FAXDC2: variants seen among roughly 807,000 people sequenced by gnomAD.
The protein encoded by FAXDC2 is fatty acid hydroxylase domain containing 2.
Under a neutral mutation model 40.9 loss-of-function variants are expected in FAXDC2, and 41 were observed. The observed-to-expected ratio is 1.00, with a 90% CI of 0.78 to 1.30. FAXDC2 has a LOEUF of 1.30. Among genes scored for constraint, FAXDC2 ranks in the 50% most tolerant of loss-of-function variants. FAXDC2 has a pLI of 0.00. For synonymous variants in FAXDC2, 157 were observed against 149.3 expected (o/e 1.05, Z -0.38); for missense variants, 390 against 408.8 (o/e 0.95, Z 0.40).
At chr5:154,835,611 C>G (rs546826177) in intron 2 of FAXDC2, among the ~76,000 whole-genome samples, 1 of 152,078 alleles carries the variant, frequency 6.6e-6, no homozygotes, top group East Asian at 1.9e-4. Context: ...GACAGAGTCT[C>G]GCTCTGTCGC....
chr5:154,831,433 GT>G (rs370064243), intron 4 of FAXDC2: 13 of 147,390 alleles, frequency 8.8e-5, no homozygotes, highest in Admixed American at 2.7e-4. Context: ...ACTCATCGTT[GT>G]TTTTTTTTTG....
At chr5:154,832,683 A>G (rs1207918624) in intron 4 of FAXDC2, among the ~76,000 whole-genome samples, 1 of 152,176 alleles carries the variant, frequency 6.6e-6, no homozygotes, top group Non-Finnish European at 1.5e-5. Flanking sequence ...TAACACTTAA[A>G]ATTGGAAATA....
rs772426610 is a variant in FAXDC2 at position 154,842,512 on chromosome 5, G to GTTTTT, written c.1-4339_1-4335dup. Among the ~76,000 whole-genome samples, 16 of 51,618 alleles carry GTTTTT rather than the reference G, an allele frequency of 3.1e-4. 1 individual carries two copies. Among genetic ancestry groups the GTTTTT allele is most frequent in the African/African-American group, 4.5e-4 (6 of 13,218 alleles). The allele number at this position is 51,618 out of a possible 152,430, so 33.9% of individuals were successfully genotyped here. Reference sequence around the variant, plus strand: ...AGCCACTGCGCTCAGCCCTTTGTGTGTTTTTTTTTTTTTTTTTTTTTTTTT... The same window carrying GTTTTT: ...AGCCACTGCGCTCAGCCCTTTGTGTGTTTTTTTTTTTTTTTTTTTTTTTTTTTTTT... On this transcript the variant is annotated intron_variant, in intron 1 of 8. Transcript: ENST00000326080.
intron 2 of FAXDC2, among the ~76,000 whole-genome samples, chr5:154,837,927 A>G (rs1427442839): frequency 6.6e-6 from 1 of 152,258 alleles, no homozygotes; most frequent in Non-Finnish European, 1.5e-5. Context: ...GCACATTCGC[A>G]GTCTGCATTC....
At chr5:154,830,986 A>T in intron 4 of FAXDC2, 64 bp from the exon 5 acceptor site, 1 of 1,587,084 alleles carries the variant, frequency 6.3e-7, no homozygotes, top group Non-Finnish European at 8.6e-7. Context: ...AGACTAACAG[A>T]ACATACTTTT....
chr5:154,843,243 G>A (rs1314995319), intron 1 of FAXDC2, among the ~76,000 whole-genome samples: 1 of 152,138 alleles, frequency 6.6e-6, no homozygotes, highest in Non-Finnish European at 1.5e-5. Context: ...CATGCCACAG[G>A]GAACTTCACT....
At position 154,834,828 on chromosome 5, in the gene FAXDC2, G is replaced by C; in HGVS notation, c.140+15C>G. The C allele has an allele frequency of 6.2e-7, 1 of 1,607,850 alleles. No individual in the cohort carries two copies. The highest frequency in any genetic ancestry group is 8.5e-7 in the Non-Finnish European group (1 of 1,175,596). On this transcript the variant is annotated intron_variant, in intron 3 of 8. Transcript: ENST00000326080. ...CACCACCACACTGCACCCTAGCTGG[G>C]TGGAGCCGACTTACCATGTCACTGA... is the stretch of plus-strand genomic sequence containing the variant.
chr5:154,838,264 G>C, intron 1 of FAXDC2, 86 bp from the exon 2 acceptor site: 1 of 1,235,436 alleles, frequency 8.1e-7, no homozygotes, highest in Non-Finnish European at 1.1e-6. Context: ...AAAGTGTATG[G>C]CTAGCAGTGA....
chr5:154,821,277 G>T lies in FAXDC2; in HGVS notation c.828C>A (p.His276Gln). 6.2e-7 allele frequency: 1 copy of T among 1,611,974 alleles called. No individual in the cohort carries two copies. The highest frequency in any genetic ancestry group is 8.5e-7 in the Non-Finnish European group (1 of 1,178,960). Residue 276 changes from histidine to glutamine, a missense_variant, in exon 8 of 9, where the codon CAC (histidine) becomes CAA (glutamine). Transcript: ENST00000326080. Reference protein sequence around the residue: ...HLPFLPSPEFHDYHHLKFNQC... With the variant: ...HLPFLPSPEFQDYHHLKFNQC... ...GTCCTTACTTGAGATGGTGGTAGTC[G>T]TGGAATTCAGGCGAAGGCAGGAAGG...
intron 5 of FAXDC2, chr5:154,824,113 T>C: frequency 4.0e-6 from 1 of 252,760 alleles, no homozygotes; most frequent in Non-Finnish European, 7.7e-6. Flanking sequence ...GAACTGCTTA[T>C]CCAGCTTCTT....
Position 154,820,462 on chromosome 5 carries a change from AC to A in FAXDC2, c.855del (p.Gln285HisfsTer121). 6.2e-7 allele frequency: 1 copy of A among 1,610,652 alleles called. No individual in the cohort carries two copies. The highest frequency in any genetic ancestry group is 8.5e-7 in the Non-Finnish European group (1 of 1,178,354). On this transcript the variant is annotated frameshift_variant, in exon 9 of 9. Coordinates refer to ENST00000326080, the MANE Select transcript of FAXDC2 (RefSeq NM_032385.5). LOFTEE classifies it high-confidence loss of function. Reference sequence around the variant, plus strand: ...TCCAGCACACCCAGCACCCCATAGCACTGGTTGAACCTAGAAGAGAGAGGAC... The same window carrying A: ...TCCAGCACACCCAGCACCCCATAGCATGGTTGAACCTAGAAGAGAGAGGAC... ...FHDYHHLKFN[Q>X]CYGVLGVLDH...
intron 7 of FAXDC2, chr5:154,821,949 C>T (rs32426): frequency 0.049 from 7,652 of 156,452 alleles, 323 homozygotes; most frequent in African/African-American, 0.12. Flanking sequence ...ATCAGCCAGG[C>T]GTGGTGGCAC....
intron 1 of FAXDC2, among the ~76,000 whole-genome samples, chr5:154,843,798 C>T (rs1561661336): frequency 6.6e-6 from 1 of 152,222 alleles, no homozygotes. Context: ...AAGCAGTATA[C>T]TTTTTATGAG....
chr5:154,821,418 G>A lies in FAXDC2; in HGVS notation c.687C>T (p.Asn229=). The change falls in exon 8 of 9, where the codon AAC becomes AAT. Residue 229 remains asparagine, a synonymous_variant. Coordinates refer to ENST00000326080, the MANE Select transcript of FAXDC2 (RefSeq NM_032385.5). ...YAHPIEHAVS[N]MLPVIVGPLV... is the part of the protein sequence containing the mutation. ...ATGGGCCCACTATCACCGGTAGCATGTTGGAGACCTGCAAGAGGAGGGATG... is the reference window on the plus strand; with the variant it reads ...ATGGGCCCACTATCACCGGTAGCATATTGGAGACCTGCAAGAGGAGGGATG... 6.2e-7 allele frequency: 1 copy of A among 1,611,428 alleles called. No individual in the cohort carries two copies. The highest frequency in any genetic ancestry group is 1.1e-5 in the South Asian group (1 of 90,858).
In FAXDC2 at chr5:154,845,838, T is replaced by C. The variant is rs1010200225; in HGVS notation, c.-1+4645A>G. Among the ~76,000 whole-genome samples, 31 of 150,422 alleles carry C rather than the reference T, an allele frequency of 2.1e-4. 1 individual carries two copies. The highest frequency in any genetic ancestry group is 5.9e-5 in the Non-Finnish European group (4 of 67,758). ...ATCTTACTCTGTTGCCAGGCTGGAG[T>C]GCAGTGGCGTGATCTCGGCTCACTG... On this transcript the variant is annotated intron_variant, in intron 1 of 8. Coordinates refer to ENST00000326080, the MANE Select transcript of FAXDC2 (RefSeq NM_032385.5).
intron 5 of FAXDC2, chr5:154,830,442 G>A (rs190834434): frequency 6.4e-4 from 127 of 199,056 alleles, no homozygotes; most frequent in Admixed American, 2.1e-3. Context: ...CATAACAACA[G>A]CTGTTACCCA....
At chr5:154,830,056 C>T (rs1760149616) in intron 5 of FAXDC2, among the ~76,000 whole-genome samples, 1 of 152,186 alleles carries the variant, frequency 6.6e-6, no homozygotes, top group South Asian at 2.1e-4. Context: ...TGAGGTGGTT[C>T]ACCCAGACAC....
intron 1 of FAXDC2, among the ~76,000 whole-genome samples, chr5:154,848,247 G>A (rs1373647254): frequency 6.6e-6 from 1 of 152,070 alleles, no homozygotes; most frequent in Non-Finnish European, 1.5e-5. Context: ...TTAGAGGGGG[G>A]AGAAAAAAGA....
At chr5:154,825,455 G>A (rs1760004763) in intron 5 of FAXDC2, among the ~76,000 whole-genome samples, 1 of 151,584 alleles carries the variant, frequency 6.6e-6, no homozygotes, top group Non-Finnish European at 1.5e-5. Context: ...TCAGGAGTTT[G>A]AGACCAGCCT....
Sources: allele counts gnomAD v4.1 joint callset (sites outside exome capture counted in the v4.1 genomes callset), GRCh38; gene constraint gnomAD v4.1.1; transcripts MANE v1.5; gene names NCBI Gene and HGNC (gene_info 2026-07-23, HGNC 2026-07-21).